Variants in PDGFRL observed in about 807,000 individuals in gnomAD.
The protein encoded by PDGFRL is platelet derived growth factor receptor like.
Under a neutral mutation model 37.2 loss-of-function variants are expected in PDGFRL, and 46 were observed. The ratio of observed to expected loss-of-function variants is 1.24; its 90% CI spans 0.98 to 1.58. PDGFRL has a LOEUF of 1.58. Ranked by LOEUF, PDGFRL falls within the 40% of genes most tolerant of loss-of-function variation. The pLI, the probability that PDGFRL is intolerant of heterozygous loss-of-function variation, is 0.00. For synonymous variants in PDGFRL, 251 were observed against 184.3 expected, an observed-to-expected ratio of 1.36 and a Z score of -2.93; for missense variants, 692 against 467.6, an observed-to-expected ratio of 1.48 and a Z score of -4.43.
At chr8:17,617,152 A>G (rs1563521554) in intron 2 of PDGFRL, among the ~76,000 whole-genome samples, 1 of 152,154 alleles carries the variant, frequency 6.6e-6, no homozygotes, top group East Asian at 1.9e-4. Flanking sequence ...GGGTCTTAAA[A>G]TTTGAACACT....
chr8:17,595,438 C>T (rs1236288260), intron 2 of PDGFRL, among the ~76,000 whole-genome samples: 11 of 152,164 alleles, frequency 7.2e-5, no homozygotes, highest in Non-Finnish European at 1.2e-4. Context: ...CCTAGGTAGC[C>T]GCCCTATTTT....
chr8:17,621,564 G>A (rs551196884), intron 3 of PDGFRL, among the ~76,000 whole-genome samples: 2 of 152,230 alleles, frequency 1.3e-5, no homozygotes, highest in South Asian at 4.1e-4. Flanking sequence ...CTAAACATGT[G>A]TGGCTACTTA....
intron 5 of PDGFRL, among the ~76,000 whole-genome samples, chr8:17,637,661 T>A (rs904931730): frequency 6.6e-6 from 1 of 152,182 alleles, no homozygotes; most frequent in East Asian, 1.9e-4. Context: ...GTTCTTAGAA[T>A]GTCTGATAGA....
At chr8:17,638,961 A>T (rs1410302253) in intron 5 of PDGFRL, among the ~76,000 whole-genome samples, 1 of 151,630 alleles carries the variant, frequency 6.6e-6, no homozygotes, top group East Asian at 1.9e-4. Flanking sequence ...AGGCACAAGA[A>T]TCACTTGAAC....
At chr8:17,606,334 C>G (rs933020035) in intron 2 of PDGFRL, among the ~76,000 whole-genome samples, 2 of 152,058 alleles carry the variant, frequency 1.3e-5, no homozygotes, top group Middle Eastern at 3.2e-3. Context: ...CTCCAAAGCT[C>G]GTTTTATTTT....
intron 1 of PDGFRL, among the ~76,000 whole-genome samples, chr8:17,582,151 G>A (rs865938651): frequency 2.0e-5 from 3 of 152,252 alleles, no homozygotes; most frequent in African/African-American, 7.2e-5. Flanking sequence ...CCCTTGTTAG[G>A]CCTTAGCAAA....
chr8:17,589,564 A>T lies in PDGFRL; in HGVS notation c.152A>T (p.Lys51Ile). Residue 51 changes from lysine (K) to isoleucine (I), a missense_variant, in exon 2 of 6, where the codon AAA becomes ATA. By Grantham distance (102) the Lys-to-Ile change is moderately radical (BLOSUM62 -3). Transcript: ENST00000251630. Reference sequence around the variant, plus strand: ...AAGAAGGTGAAGCCCAAAATTCCTAAAATGAAGGACAGGGACTCAGCCAAT... The same window carrying T: ...AAGAAGGTGAAGCCCAAAATTCCTATAATGAAGGACAGGGACTCAGCCAAT... ...TNKKVKPKIP[K>I]MKDRDSANSA... The T allele has an allele frequency of 6.2e-7, 1 of 1,613,814 alleles. No homozygotes were observed. The highest frequency in any genetic ancestry group is 8.5e-7 in the Non-Finnish European group (1 of 1,179,710).
At chr8:17,585,562 G>T (rs1803797849) in intron 1 of PDGFRL, among the ~76,000 whole-genome samples, 1 of 152,114 alleles carries the variant, frequency 6.6e-6, no homozygotes, top group Admixed American at 6.6e-5. Context: ...AATGAGAGTG[G>T]CATCTCTCAG....
chr8:17,589,752 G>T lies in PDGFRL; in HGVS notation c.340G>T (p.Asp114Tyr). ...CCCTGCGTATCTGGACACCTTTAAG[G>T]ATTCTCGCCTCAGGTAAGCATTTTT... ...SYPAYLDTFK[D>Y]SRLSVKQNER... The change falls in exon 2 of 6, where the codon GAT (aspartate) becomes TAT (tyrosine). Residue 114 changes from aspartate (D) to tyrosine (Y), a missense_variant. Asp to Tyr is a radical substitution (Grantham distance 160, BLOSUM62 -3). Coordinates refer to ENST00000251630, the MANE Select transcript of PDGFRL (RefSeq NM_001372073.1). 6.2e-7 allele frequency: 1 copy of T among 1,600,106 alleles called. No homozygotes were observed. Among genetic ancestry groups the T allele is most frequent in the East Asian group, 2.2e-5 (1 of 44,704 alleles).
intron 2 of PDGFRL, among the ~76,000 whole-genome samples, chr8:17,615,337 T>A (rs754807119): frequency 2.8e-4 from 42 of 152,152 alleles, no homozygotes; most frequent in Non-Finnish European, 1.0e-4. Flanking sequence ...TGCATAGCTA[T>A]ACTTAGCAGA....
chr8:17,612,083 T>A (rs1804428817), intron 2 of PDGFRL, among the ~76,000 whole-genome samples: 1 of 152,138 alleles, frequency 6.6e-6, no homozygotes, highest in Non-Finnish European at 1.5e-5. Context: ...AAATGATGTG[T>A]TATACTCCAG....
chr8:17,641,034 C>T (rs1372230074), intron 5 of PDGFRL, among the ~76,000 whole-genome samples: 1 of 152,138 alleles, frequency 6.6e-6, no homozygotes, highest in Non-Finnish European at 1.5e-5. Context: ...CTGTGTCATG[C>T]AGGTCACCAG....
At chr8:17,640,283 C>T (rs961367091) in intron 5 of PDGFRL, among the ~76,000 whole-genome samples, 1 of 152,062 alleles carries the variant, frequency 6.6e-6, no homozygotes, top group African/African-American at 2.4e-5. Flanking sequence ...TCTGGCAATT[C>T]AGGGATTTCT....
chr8:17,580,289 A>G (rs1332577268), intron 1 of PDGFRL, among the ~76,000 whole-genome samples: 1 of 152,152 alleles, frequency 6.6e-6, no homozygotes, highest in African/African-American at 2.4e-5. Flanking sequence ...TCTAACCAAG[A>G]GCCTTTGACA....
intron 3 of PDGFRL, among the ~76,000 whole-genome samples, chr8:17,625,076 G>C (rs536620557): frequency 6.6e-6 from 1 of 151,584 alleles, no homozygotes; most frequent in African/African-American, 2.4e-5. Flanking sequence ...TGCCATGCTG[G>C]TGTGCTGCAC....
chr8:17,612,000 G>A (rs977592894), intron 2 of PDGFRL, among the ~76,000 whole-genome samples: 2 of 152,164 alleles, frequency 1.3e-5, no homozygotes, highest in African/African-American at 4.8e-5. Flanking sequence ...AACTCCAGGG[G>A]AGGTGGCACA....
In PDGFRL at chr8:17,643,131, GTTT is replaced by G. The variant is rs1222655700; in HGVS notation, c.*334_*336del. On this transcript the variant is annotated 3_prime_UTR_variant, in exon 6 of 6. Coordinates refer to ENST00000251630, the MANE Select transcript of PDGFRL (RefSeq NM_001372073.1). The stretch of plus-strand genomic sequence containing the variant: ...GTAAAAAATAAAAAGTGGGATAAGT[GTTT>G]TTTAAGTTAAGTTGACTTAAAATAC... 4.3e-6 allele frequency: 1 copy of G among 230,294 alleles called. No homozygotes were observed. The allele number at this position is 230,294 out of a possible 1,614,324, so 14.3% of individuals were successfully genotyped here.
chr8:17,608,885 G>T (rs1804343766), intron 2 of PDGFRL, among the ~76,000 whole-genome samples: 1 of 152,098 alleles, frequency 6.6e-6, no homozygotes, highest in Non-Finnish European at 1.5e-5. Flanking sequence ...GATTGTTGGA[G>T]ACCAGGCCTT....
At chr8:17,603,452 T>A (rs2129670335) in intron 2 of PDGFRL, among the ~76,000 whole-genome samples, 1 of 152,334 alleles carries the variant, frequency 6.6e-6, no homozygotes, top group African/African-American at 2.4e-5. Flanking sequence ...TGCTGATGAC[T>A]GTATTTTCAG....
Sources: allele counts gnomAD v4.1 joint callset (sites outside exome capture counted in the v4.1 genomes callset), GRCh38; gene constraint gnomAD v4.1.1; transcripts MANE v1.5; gene names NCBI Gene and HGNC (gene_info 2026-07-23, HGNC 2026-07-21).